GALNTL6: variants seen among roughly 807,000 people sequenced by gnomAD.
The protein encoded by GALNTL6 is polypeptide N-acetylgalactosaminyltransferase-like 6.
A neutral mutation model predicts 73.7 loss-of-function variants in GALNTL6; 46 were observed. The ratio of observed to expected loss-of-function variants is 0.62; its 90% CI spans 0.49 to 0.80. GALNTL6 has a LOEUF of 0.80. GALNTL6 is among the 30% of genes least tolerant of loss of function. The pLI is 0.00. For missense variants in GALNTL6, 604 were observed against 755.0 expected, an observed-to-expected ratio of 0.80 and a Z score of 2.34; for synonymous variants, 259 against 263.7, an observed-to-expected ratio of 0.98 and a Z score of 0.17.
At chr4:172,059,859 T>C (rs1731141111) in intron 2 of GALNTL6, among the ~76,000 whole-genome samples, 1 of 152,186 alleles carries the variant, frequency 6.6e-6, no homozygotes, top group South Asian at 2.1e-4. Context: ...TTATATTATC[T>C]CTCCGAGGTT....
At chr4:172,208,264 CATTTT>C (rs1358940307) in intron 2 of GALNTL6, among the ~76,000 whole-genome samples, 1 of 152,042 alleles carries the variant, frequency 6.6e-6, no homozygotes, top group Non-Finnish European at 1.5e-5. Flanking sequence ...TTTGTCTTTT[CATTTT>C]AATTCTTTTA....
chr4:172,049,048 CCT>C (rs1730741182), intron 2 of GALNTL6, among the ~76,000 whole-genome samples: 1 of 152,054 alleles, frequency 6.6e-6, no homozygotes, highest in South Asian at 2.1e-4. Context: ...TGGGAGTGTT[CCT>C]TGTGGACAGA....
intron 2 of GALNTL6, among the ~76,000 whole-genome samples, chr4:172,091,493 A>G (rs1732201485): frequency 6.6e-6 from 1 of 152,196 alleles, no homozygotes; most frequent in Non-Finnish European, 1.5e-5. Context: ...CATGTGAGTC[A>G]TACATTTAAG....
At chr4:172,547,536 A>G (rs1350809261) in intron 5 of GALNTL6, among the ~76,000 whole-genome samples, 1 of 152,092 alleles carries the variant, frequency 6.6e-6, no homozygotes, top group Non-Finnish European at 1.5e-5. Context: ...GCATTGATTC[A>G]TTGATTTCTT....
chr4:172,188,540 C>T (rs768257378), intron 2 of GALNTL6, among the ~76,000 whole-genome samples: 11 of 152,220 alleles, frequency 7.2e-5, no homozygotes, highest in East Asian at 1.9e-4. Context: ...GTCATGGGGA[C>T]GCCAACTGCA....
intron 2 of GALNTL6, among the ~76,000 whole-genome samples, chr4:171,970,128 A>G (rs1560864594): frequency 6.6e-6 from 1 of 152,194 alleles, no homozygotes; most frequent in Non-Finnish European, 1.5e-5. Context: ...TTGCGTATAA[A>G]TTGAAGAGAG....
chr4:172,387,147 A>T (rs2111295275), intron 5 of GALNTL6, among the ~76,000 whole-genome samples: 1 of 152,026 alleles, frequency 6.6e-6, no homozygotes, highest in East Asian at 1.9e-4. Flanking sequence ...CCTCCAAATA[A>T]CCTTCTATGG....
intron 5 of GALNTL6, among the ~76,000 whole-genome samples, chr4:172,370,964 T>C (rs1197764187): frequency 6.6e-6 from 1 of 152,236 alleles, no homozygotes; most frequent in Non-Finnish European, 1.5e-5. Flanking sequence ...AACTTTACTT[T>C]AGTTGAAAAC....
At chr4:172,094,485 T>C (rs999673399) in intron 2 of GALNTL6, among the ~76,000 whole-genome samples, 1 of 152,110 alleles carries the variant, frequency 6.6e-6, no homozygotes, top group Non-Finnish European at 1.5e-5. Flanking sequence ...ATGAATAATG[T>C]TCATTTCAGA....
At chr4:172,427,807 T>C (rs534210168) in intron 5 of GALNTL6, among the ~76,000 whole-genome samples, 1 of 152,278 alleles carries the variant, frequency 6.6e-6, no homozygotes, top group African/African-American at 2.4e-5. Flanking sequence ...CGTAACTATA[T>C]TTTGAATTAA....
chr4:172,202,761 T>C (rs1211666053), intron 2 of GALNTL6, among the ~76,000 whole-genome samples: 1 of 152,220 alleles, frequency 6.6e-6, no homozygotes, highest in East Asian at 1.9e-4. Context: ...AATGAATTAT[T>C]ATGAAACATC....
At chr4:171,955,565 C>G (rs551147321) in intron 2 of GALNTL6, among the ~76,000 whole-genome samples, 2 of 152,086 alleles carry the variant, frequency 1.3e-5, no homozygotes, top group South Asian at 4.1e-4. Flanking sequence ...TAAATCATCT[C>G]TAGATTACTT....
intron 5 of GALNTL6, among the ~76,000 whole-genome samples, chr4:172,695,002 T>C (rs1733597389): frequency 6.6e-6 from 1 of 152,228 alleles, no homozygotes; most frequent in Admixed American, 6.5e-5. Context: ...TCACAGTCTT[T>C]GGCAAATCAT....
At chr4:172,290,668 T>C (rs1739432390) in intron 3 of GALNTL6, among the ~76,000 whole-genome samples, 1 of 152,036 alleles carries the variant, frequency 6.6e-6, no homozygotes, top group East Asian at 1.9e-4. Flanking sequence ...TTTAAATGTG[T>C]ATAAAATGTC....
At chr4:172,278,953 G>A (rs1191721815) in intron 3 of GALNTL6, among the ~76,000 whole-genome samples, 4 of 152,112 alleles carry the variant, frequency 2.6e-5, no homozygotes, top group Non-Finnish European at 5.9e-5. Context: ...GGTGCCAAGA[G>A]TATTCAGTGG....
At chr4:172,242,531 A>G (rs1737474517) in intron 3 of GALNTL6, among the ~76,000 whole-genome samples, 1 of 152,158 alleles carries the variant, frequency 6.6e-6, no homozygotes, top group Admixed American at 6.5e-5. Context: ...CAACTGTTCT[A>G]TATGATCTAT....
chr4:171,948,782 T>C (rs1279249979), intron 2 of GALNTL6, among the ~76,000 whole-genome samples: 1 of 152,158 alleles, frequency 6.6e-6, no homozygotes, highest in Non-Finnish European at 1.5e-5. Context: ...GTTTTTGCAA[T>C]GATGAAATAA....
chr4:171,924,301 AC>A (rs1737904997), intron 2 of GALNTL6, among the ~76,000 whole-genome samples: 1 of 152,026 alleles, frequency 6.6e-6, no homozygotes, highest in African/African-American at 2.4e-5. Flanking sequence ...TTTCCAAAGG[AC>A]CAGAGAGGAG....
chr4:171,927,750 C>T (rs1212755750), intron 2 of GALNTL6, among the ~76,000 whole-genome samples: 1 of 152,186 alleles, frequency 6.6e-6, no homozygotes, highest in Non-Finnish European at 1.5e-5. Flanking sequence ...TGGAATACCA[C>T]CCAGCATCTC....
Sources: gnomAD v4.1 joint callset for allele counts (sites outside exome capture counted in the v4.1 genomes callset) on GRCh38, gnomAD v4.1.1 for gene constraint, MANE v1.5 for transcripts, NCBI Gene and HGNC (gene_info 2026-07-23, HGNC 2026-07-21) for gene names.